JMJD6: variants seen among roughly 807,000 people sequenced by gnomAD.
JMJD6 encodes the protein jumonji domain containing 6, arginine demethylase and lysine hydroxylase.
In JMJD6, 17 loss-of-function variants were observed where a neutral mutation model predicts 45.8. That is an observed-to-expected ratio of 0.37 (90% confidence interval 0.25 to 0.56). JMJD6 has a LOEUF of 0.56. Among genes scored for constraint, JMJD6 ranks in the 20% least tolerant of loss-of-function variants. JMJD6 has a pLI of 0.79. For synonymous variants in JMJD6, 221 were observed against 196.3 expected, an observed-to-expected ratio of 1.13 and a Z score of -1.05; for missense variants, 470 against 517.5, an observed-to-expected ratio of 0.91 and a Z score of 0.89.
At position 76,725,913 on chromosome 17, in the gene JMJD6, A is replaced by T. The variant is rs533476445; in HGVS notation, c.130-58T>A. On this transcript the variant is annotated intron_variant, in intron 1 of 5. Coordinates refer to ENST00000397625, the MANE Select transcript of JMJD6 (RefSeq NM_015167.3). ...AAAAAAAAAAAAAGTCCAGTGGCAG[A>T]TAAGGGTGTCCCCAAGGCCAACTGG... 5.3e-6 allele frequency: 8 copies of T among 1,515,792 alleles called. No individual in the cohort carries two copies. In the Admixed American group the frequency reaches 9.0e-5, roughly 17 times the overall value. The allele number at this position is 1,515,792 out of a possible 1,614,324, so 93.9% of individuals were successfully genotyped here.
At chr17:76,721,116 T>G (rs926303320) in intron 4 of JMJD6, 2 of 202,152 alleles carry the variant, frequency 9.9e-6, no homozygotes, top group African/African-American at 4.6e-5. Flanking sequence ...GCCTGCGGTG[T>G]GACCAAATCA....
intron 4 of JMJD6, 114 bp downstream of exon 4, chr17:76,721,684 G>A (rs941843966): frequency 7.4e-6 from 9 of 1,220,530 alleles, no homozygotes; most frequent in Admixed American, 2.1e-5. Context: ...GGCAGCCCCA[G>A]CTTTGCCCAG....
rs768987576 is a variant in JMJD6, at chr17:76,718,860, A to G, written c.1081T>C (p.Cys361Arg). ...CCATCGCCCTCGGATCCAGACTCGC[A>G]CTGGACACAGGAGGACAGAAAACAA... ...SSSSSDSDSE[C>R]ESGSEGDGTV... The change falls in exon 6 of 6, where the codon TGC becomes CGC. Residue 361 changes from cysteine to arginine, a missense_variant and splice_region_variant. Around this residue, in one of 4 missense-constraint regions of JMJD6, gnomAD observed 45 missense variants for 37.2 expected, o/e 1.21. Transcript: ENST00000397625. The G allele has an allele frequency of 1.2e-6, 2 of 1,613,710 alleles. No homozygotes were observed. The highest frequency in any genetic ancestry group is 8.5e-7 in the Non-Finnish European group (1 of 1,179,758).
At chr17:76,721,413 G>A (rs1170921469) in intron 4 of JMJD6, 1 of 351,696 alleles carries the variant, frequency 2.8e-6, no homozygotes, top group Non-Finnish European at 5.9e-6. Flanking sequence ...CACAAGAACT[G>A]AAGGTATTAA....
chr17:76,725,337 T>C (rs2076897712), intron 2 of JMJD6, 130 bp downstream of exon 2: 1 of 819,040 alleles, frequency 1.2e-6, no homozygotes, highest in South Asian at 2.0e-5. Context: ...ACTCGGGAGA[T>C]GGAGGTTGCT....
intron 3 of JMJD6, 27 bp downstream of exon 3, chr17:76,723,745 A>G: frequency 6.2e-7 from 1 of 1,607,448 alleles, no homozygotes; most frequent in Non-Finnish European, 8.5e-7. Flanking sequence ...CCGGCAAAGA[A>G]TGTACTTTCT....
At chr17:76,725,962 ACT>A (rs2076917565) in intron 1 of JMJD6, 107 bp from the exon 2 acceptor site, 2 of 1,354,610 alleles carry the variant, frequency 1.5e-6, no homozygotes, top group African/African-American at 1.5e-5. Flanking sequence ...AAGGAAGTTG[ACT>A]CTCGTCTGGC....
chr17:76,719,733 G>C (rs1424182256), intron 5 of JMJD6, among the ~76,000 whole-genome samples: 1 of 152,186 alleles, frequency 6.6e-6, no homozygotes, highest in Non-Finnish European at 1.5e-5. Context: ...GAGCTTTGAG[G>C]TCAGAAGGAT....
intron 1 of JMJD6, 68 bp from the exon 2 acceptor site, chr17:76,725,923 C>A: frequency 6.7e-7 from 1 of 1,497,710 alleles, no homozygotes; most frequent in Non-Finnish European, 8.8e-7. Context: ...ATAAGGGTGT[C>A]CCCAAGGCCA....
intron 5 of JMJD6, among the ~76,000 whole-genome samples, chr17:76,719,483 TTCA>T (rs1208416696): frequency 1.3e-5 from 2 of 152,070 alleles, no homozygotes; most frequent in Non-Finnish European, 2.9e-5. Flanking sequence ...GACATGGGAT[TTCA>T]TCATGTTGGC....
chr17:76,716,947 G>A (rs2076769376), downstream of JMJD6, among the ~76,000 whole-genome samples: 1 of 152,234 alleles, frequency 6.6e-6, no homozygotes, highest in Non-Finnish European at 1.5e-5. Context: ...AAGAGTCTAA[G>A]TATGGCTGTG....
downstream of JMJD6, among the ~76,000 whole-genome samples, chr17:76,717,846 C>G (rs577607064): frequency 3.2e-4 from 49 of 150,940 alleles, no homozygotes; most frequent in Non-Finnish European, 1.8e-4. Flanking sequence ...AAAAAATTAG[C>G]TGGGCGTGGT....
At chr17:76,721,027 A>G (rs1047618793) in intron 4 of JMJD6, among the ~76,000 whole-genome samples, 6 of 152,210 alleles carry the variant, frequency 3.9e-5, no homozygotes, top group Admixed American at 3.3e-4. Context: ...AACTGAACTG[A>G]AGAGCAGCAG....
At chr17:76,725,879 T>A in intron 1 of JMJD6, 24 bp from the exon 2 acceptor site, 6 of 1,545,688 alleles carry the variant, frequency 3.9e-6, no homozygotes, top group Non-Finnish European at 5.2e-6. Flanking sequence ...AAAAGACCTG[T>A]CCAGTTAAAA....
downstream of JMJD6, chr17:76,714,991 C>G (rs896722243): frequency 2.8e-4 from 43 of 152,144 alleles, no homozygotes; most frequent in African/African-American, 9.9e-4. Flanking sequence ...GCTCCCCTAT[C>G]CAGACCACTG....
downstream of JMJD6, chr17:76,715,737 A>G (rs2076759180): frequency 6.6e-6 from 1 of 152,222 alleles, no homozygotes; most frequent in African/African-American, 2.4e-5. Context: ...GGGACAAATT[A>G]AGGCAAGCAG....
exon 7 of JMJD6, chr17:76,713,075 C>CT (rs2076741118): frequency 6.6e-6 from 1 of 152,224 alleles, no homozygotes; most frequent in Non-Finnish European, 1.5e-5. Flanking sequence ...GCTAGCTCTC[C>CT]TCCCAGGAGG....
At chr17:76,715,293 A>C (rs2076756366), downstream of JMJD6, 1 of 152,316 alleles carries the variant, frequency 6.6e-6, no homozygotes, top group Admixed American at 6.5e-5. Context: ...TGCCCACCAC[A>C]GAACCAAGGG....
chr17:76,724,015 T>C lies in JMJD6; in HGVS notation c.562A>G (p.Ile188Val). ...GPPRSGTGIH[I>V]DPLGTSAWNA... ...CAGGCACTGGTTCCCAGAGGGTCGA[T>C]GTGAATCCCAGTTCCGGAGCGTGGT... The change falls in exon 3 of 6, where the codon ATC becomes GTC. Residue 188 changes from isoleucine (I) to valine (V), a missense_variant. This residue lies in a region of JMJD6 where 346 missense variants were observed against 339.5 expected (regional missense o/e 1.02). Transcript: ENST00000397625. 6 of 1,614,156 alleles carry C rather than the reference T, an allele frequency of 3.7e-6. No homozygotes were observed. The highest frequency in any genetic ancestry group is 5.1e-6 in the Non-Finnish European group (6 of 1,180,028).
Sources: allele counts gnomAD v4.1 joint callset (sites outside exome capture counted in the v4.1 genomes callset), GRCh38; gene constraint gnomAD v4.1.1; regional missense constraint gnomAD v4.1.1; transcripts MANE v1.5; gene names NCBI Gene and HGNC (gene_info 2026-07-23, HGNC 2026-07-21).